RNF212B: variants seen among roughly 807,000 people sequenced by gnomAD.
RNF212B encodes E3 ubiquitin-protein ligase RNF212B.
In RNF212B, 52 loss-of-function variants were observed where a neutral mutation model predicts 55.5. The ratio of observed to expected loss-of-function variants is 0.94; its 90% CI spans 0.75 to 1.18. The LOEUF is 1.18. Ranked by LOEUF, RNF212B falls within the 50% of genes most tolerant of loss-of-function variation. The pLI is 0.00. For synonymous variants in RNF212B, 99 were observed against 121.4 expected (o/e 0.82, Z 1.21); for missense variants, 289 against 350.4 (o/e 0.82, Z 1.40).
intron 2 of RNF212B, among the ~76,000 whole-genome samples, chr14:23,223,794 C>A (rs1881777408): frequency 2.0e-5 from 3 of 152,138 alleles, no homozygotes; most frequent in African/African-American, 7.2e-5. Flanking sequence ...AGGAAAAGGT[C>A]AAATTATCCT....
chr14:23,253,720 A>G (rs1169624506), intron 4 of RNF212B, among the ~76,000 whole-genome samples: 34 of 152,188 alleles, frequency 2.2e-4, no homozygotes, highest in Non-Finnish European at 4.4e-5. Flanking sequence ...GTACTTCTAA[A>G]GAGAAATGTC....
chr14:23,203,264 A>C (rs889581652), intron 2 of RNF212B, among the ~76,000 whole-genome samples: 2 of 152,130 alleles, frequency 1.3e-5, no homozygotes, highest in Admixed American at 1.3e-4. Flanking sequence ...GGGCTACTTC[A>C]CTTACAATAA....
At chr14:23,232,502 G>A (rs1342295709) in intron 2 of RNF212B, among the ~76,000 whole-genome samples, 1 of 149,822 alleles carries the variant, frequency 6.7e-6, no homozygotes, top group South Asian at 2.1e-4. Flanking sequence ...GCCCCGTCTG[G>A]GAAGTGAGGA....
intron 2 of RNF212B, among the ~76,000 whole-genome samples, chr14:23,198,960 C>T (rs1162563761): frequency 4.6e-5 from 7 of 152,110 alleles, no homozygotes; most frequent in Admixed American, 3.3e-4. Context: ...ATACATGAGT[C>T]GGTATACACA....
chr14:23,226,082 G>A (rs978240381), intron 2 of RNF212B, among the ~76,000 whole-genome samples: 1 of 142,200 alleles, frequency 7.0e-6, no homozygotes, highest in East Asian at 2.2e-4. Context: ...GGTGGATCAC[G>A]AGGTCAGGAG....
intron 4 of RNF212B, among the ~76,000 whole-genome samples, chr14:23,248,812 A>G (rs1482990474): frequency 6.6e-6 from 1 of 152,160 alleles, no homozygotes. Flanking sequence ...TCACCTCCTA[A>G]AGCCTCCATC....
chr14:23,221,640 C>T (rs2140406438), intron 2 of RNF212B, among the ~76,000 whole-genome samples: 1 of 152,256 alleles, frequency 6.6e-6, no homozygotes, highest in East Asian at 1.9e-4. Context: ...ACAAATGAAC[C>T]TAATAAACAT....
rs1166613606 is a variant in RNF212B at position 23,208,757 on chromosome 14, G to GTTTTTTTTTTTTTTTTTTTTTTTTTTT, written c.-2+15375_-2+15376insTTTTTTTTTTTTTTTTTTTTTTTTTTT. On this transcript the variant is annotated intron_variant, in intron 2 of 15. Coordinates refer to the RNF212B transcript ENST00000399910. ...GCAGTCCCAAGGGCTGCTGGTTGCC[G>GTTTTTTTTTTTTTTTTTTTTTTTTTTT]TTTTTTTTTTTTTTTTTTTGAGACG... Among the ~76,000 whole-genome samples the GTTTTTTTTTTTTTTTTTTTTTTTTTTT allele has an allele frequency of 5.1e-5, 5 of 98,116 alleles. 2 individuals carry two copies. The highest frequency in any genetic ancestry group is 2.3e-4 in the African/African-American group (5 of 21,896). 64.4% of individuals were successfully genotyped at this position (98,116 alleles called of 152,430 possible).
chr14:23,190,079 TC>T (rs1877979780), intron 1 of RNF212B, among the ~76,000 whole-genome samples: 1 of 152,124 alleles, frequency 6.6e-6, no homozygotes, highest in African/African-American at 2.4e-5. Flanking sequence ...AGCTAATGGC[TC>T]TGGAGCACCC....
intron 2 of RNF212B, among the ~76,000 whole-genome samples, chr14:23,227,682 C>G (rs1882158082): frequency 6.6e-6 from 1 of 152,130 alleles, no homozygotes; most frequent in African/African-American, 2.4e-5. Flanking sequence ...CTCACTGCAG[C>G]CTCAACCTGC....
chr14:23,243,546 A>G (rs1212683456), intron 3 of RNF212B, among the ~76,000 whole-genome samples: 1 of 151,472 alleles, frequency 6.6e-6, no homozygotes, highest in Non-Finnish European at 1.5e-5. Context: ...AATATAAAAA[A>G]TTAGCCAGGC....
At chr14:23,263,466 G>T (rs1250701686) in intron 9 of RNF212B, among the ~76,000 whole-genome samples, 5 of 152,212 alleles carry the variant, frequency 3.3e-5, no homozygotes, top group African/African-American at 1.2e-4. Flanking sequence ...AGTCCAGATT[G>T]CCAGACAAAC....
chr14:23,254,292 C>A (rs55763514), intron 4 of RNF212B, among the ~76,000 whole-genome samples: 3,224 of 39,846 alleles, frequency 0.081, 140 homozygotes, highest in African/African-American at 0.22. Context: ...ATCTCAAAAA[C>A]AAAACAAAAC....
At chr14:23,199,672 A>T (rs1879090124) in intron 2 of RNF212B, among the ~76,000 whole-genome samples, 1 of 152,148 alleles carries the variant, frequency 6.6e-6, no homozygotes. Context: ...CAGGTTGTGA[A>T]GTCTCATGTC....
intron 13 of RNF212B, 67 bp from the exon 14 acceptor site, chr14:23,270,533 C>T (rs1288023587): frequency 1.8e-6 from 2 of 1,123,636 alleles, no homozygotes; most frequent in Non-Finnish European, 1.3e-6. Flanking sequence ...TTACCCTGAC[C>T]CACAAGTAAC....
chr14:23,209,309 A>AT (rs59515753), intron 2 of RNF212B, among the ~76,000 whole-genome samples: 10,758 of 152,078 alleles, frequency 0.071, 974 homozygotes, highest in African/African-American at 0.21. Flanking sequence ...TATGACCTGT[A>AT]TTTTGTGCTG....
At chr14:23,229,217 A>ATTTT (rs1200217364) in intron 2 of RNF212B, among the ~76,000 whole-genome samples, 7 of 54,560 alleles carry the variant, frequency 1.3e-4, no homozygotes, top group Admixed American at 5.5e-4. Flanking sequence ...GCTGAATAAT[A>ATTTT]TTTTATATAT....
chr14:23,209,691 T>C (rs1386811738), intron 2 of RNF212B, among the ~76,000 whole-genome samples: 1 of 152,158 alleles, frequency 6.6e-6, no homozygotes, highest in African/African-American at 2.4e-5. Flanking sequence ...GGACTCTCTT[T>C]CAAAGAATAG....
At chr14:23,218,948 G>T (rs1237798908) in intron 2 of RNF212B, among the ~76,000 whole-genome samples, 1 of 152,038 alleles carries the variant, frequency 6.6e-6, no homozygotes, top group Non-Finnish European at 1.5e-5. Flanking sequence ...AAAAGTACGA[G>T]GAGAAAAGAA....
Sources: allele counts gnomAD v4.1 joint callset (sites outside exome capture counted in the v4.1 genomes callset), GRCh38; gene constraint gnomAD v4.1.1; transcripts MANE v1.5; gene names NCBI Gene and HGNC (gene_info 2026-07-23, HGNC 2026-07-21).